ELAPOR2: variants seen among roughly 807,000 people sequenced by gnomAD.
ELAPOR2 encodes endosome/lysosome-associated apoptosis and autophagy regulator family member 2.
A neutral mutation model predicts 120.7 loss-of-function variants in ELAPOR2; 89 were observed. That is an observed-to-expected ratio of 0.74 (90% CI 0.62 to 0.88). The LOEUF is 0.88. ELAPOR2 is among the 40% of genes least tolerant of loss of function. The pLI is 0.00. For synonymous variants in ELAPOR2, 444 were observed against 444.9 expected, an observed-to-expected ratio of 1.00 and a Z score of 0.03; for missense variants, 1,134 against 1,251.6, an observed-to-expected ratio of 0.91 and a Z score of 1.42.
intron 18 of ELAPOR2, among the ~76,000 whole-genome samples, chr7:86,899,246 G>A (rs1358432412): frequency 1.3e-5 from 2 of 152,152 alleles, no homozygotes; most frequent in Non-Finnish European, 2.9e-5. Context: ...ATGGTGTACA[G>A]AATCCTTACT....
intron 8 of ELAPOR2, among the ~76,000 whole-genome samples, chr7:86,928,924 G>A (rs1790200350): frequency 6.6e-6 from 1 of 151,896 alleles, no homozygotes; most frequent in African/African-American, 2.4e-5. Flanking sequence ...AAGTCTGGCT[G>A]ACTAGGTAAA....
intron 20 of ELAPOR2, among the ~76,000 whole-genome samples, 185 bp from the exon 21 acceptor site, chr7:86,892,074 G>T (rs1212107133): frequency 1.3e-5 from 2 of 151,914 alleles, no homozygotes; most frequent in South Asian, 2.1e-4. Context: ...CATTTACAAA[G>T]AAATATTTCC....
chr7:87,043,778 G>C (rs1400843006), intron 1 of ELAPOR2, among the ~76,000 whole-genome samples: 1 of 151,508 alleles, frequency 6.6e-6, no homozygotes, highest in Non-Finnish European at 1.5e-5. Flanking sequence ...GGCAGGAGAA[G>C]GAAATAAAGG....
intron 4 of ELAPOR2, among the ~76,000 whole-genome samples, chr7:86,942,950 A>G (rs923200201): frequency 7.9e-5 from 12 of 152,046 alleles, no homozygotes; most frequent in South Asian, 2.1e-4. Flanking sequence ...AAATATTAAA[A>G]TGTTCTCCTT....
At chr7:87,022,163 T>A (rs1794064193) in intron 1 of ELAPOR2, among the ~76,000 whole-genome samples, 1 of 152,112 alleles carries the variant, frequency 6.6e-6, no homozygotes, top group South Asian at 2.1e-4. Flanking sequence ...TGTGCCATGT[T>A]GGTGTGTTGC....
intron 8 of ELAPOR2, 32 bp downstream of exon 8, chr7:86,938,094 A>G: frequency 6.7e-7 from 1 of 1,490,466 alleles, no homozygotes; most frequent in Non-Finnish European, 9.1e-7. Context: ...TTGCAAAAAT[A>G]TGGGATGGAG....
intron 18 of ELAPOR2, among the ~76,000 whole-genome samples, chr7:86,905,874 G>A (rs979970309): frequency 4.6e-5 from 7 of 152,134 alleles, no homozygotes; most frequent in African/African-American, 1.2e-4. Context: ...GATTCCTGGA[G>A]GTCAAAGGAG....
rs560366848 is a variant in ELAPOR2, at chr7:86,963,619, A to T, written c.310+1285T>A. Among the ~76,000 whole-genome samples the T allele has an allele frequency of 3.3e-5, 5 of 152,328 alleles. No homozygotes were observed. In the East Asian group the frequency reaches 9.6e-4, roughly 29 times the overall value. On this transcript the variant is annotated intron_variant, in intron 2 of 21. Transcript: ENST00000450689. The stretch of plus-strand genomic sequence containing the variant: ...TACAAGAAAACCAAGGAATTAGCCC[A>T]CAAATGAAAAGTAAACATAGATAAA...
At chr7:86,953,095 A>T (rs958901414) in intron 2 of ELAPOR2, among the ~76,000 whole-genome samples, 1 of 86,484 alleles carries the variant, frequency 1.2e-5, no homozygotes, top group Admixed American at 1.0e-4. Flanking sequence ...GCCTCTGTCA[A>T]AAAAAAAAAA....
intron 1 of ELAPOR2, among the ~76,000 whole-genome samples, chr7:87,035,181 C>T (rs893285472): frequency 3.9e-5 from 6 of 152,014 alleles, no homozygotes; most frequent in African/African-American, 1.5e-4. Context: ...ATGGATATAC[C>T]CCTGAGCAGT....
At chr7:86,897,358 G>C in intron 19 of ELAPOR2, 148 bp downstream of exon 19, 2 of 927,566 alleles carry the variant, frequency 2.2e-6, no homozygotes, top group Non-Finnish European at 3.2e-6. Context: ...TGAGAGTTCA[G>C]CTGCCAAACT....
At chr7:86,907,477 G>T (rs1789073612) in intron 18 of ELAPOR2, among the ~76,000 whole-genome samples, 193 bp downstream of exon 18, 1 of 150,544 alleles carries the variant, frequency 6.6e-6, no homozygotes, top group African/African-American at 2.4e-5. Flanking sequence ...AGGCTAGGAA[G>T]TCTTTAGATT....
intron 1 of ELAPOR2, among the ~76,000 whole-genome samples, chr7:87,028,833 C>A (rs1253357946): frequency 3.3e-5 from 5 of 152,156 alleles, no homozygotes; most frequent in Admixed American, 2.0e-4. Flanking sequence ...ACACTCCACC[C>A]ACATGACCCC....
At chr7:86,975,852 G>A (rs903039800) in intron 1 of ELAPOR2, among the ~76,000 whole-genome samples, 2 of 152,162 alleles carry the variant, frequency 1.3e-5, no homozygotes, top group African/African-American at 2.4e-5. Flanking sequence ...GGGAGTTACC[G>A]GGCTTCTTTT....
In ELAPOR2 at chr7:87,035,672, C is replaced by T. The variant is rs141309144; in HGVS notation, c.189+23653G>A. On this transcript the variant is annotated intron_variant, in intron 1 of 21. Coordinates refer to ENST00000450689, the MANE Select transcript of ELAPOR2 (RefSeq NM_001142749.3). ...ACCTAATATAAATGTCTACCTTCCACAAACAAGGCATTCTTCTCATATAAA... is the reference window on the plus strand; with the variant it reads ...ACCTAATATAAATGTCTACCTTCCATAAACAAGGCATTCTTCTCATATAAA... Among the ~76,000 whole-genome samples the T allele has an allele frequency of 4.9e-3, 751 of 152,334 alleles. 3 individuals carry two copies. The highest frequency in any genetic ancestry group is 8.3e-3 in the Non-Finnish European group (565 of 68,028).
intron 18 of ELAPOR2, among the ~76,000 whole-genome samples, chr7:86,899,113 C>A (rs191855480): frequency 2.0e-5 from 3 of 152,116 alleles, no homozygotes; most frequent in Non-Finnish European, 4.4e-5. Flanking sequence ...AAGAACTAAC[C>A]ACTAGGGAGG....
chr7:87,009,525 T>A (rs1460556601), intron 1 of ELAPOR2, among the ~76,000 whole-genome samples: 1 of 152,170 alleles, frequency 6.6e-6, no homozygotes, highest in Non-Finnish European at 1.5e-5. Flanking sequence ...CAGAGGTACA[T>A]AAATTTAATA....
rs987119000 is a variant in ELAPOR2, at chr7:86,879,704, A to G, written c.*767T>C. 13 of 152,188 alleles carry G rather than the reference A, an allele frequency of 8.5e-5. No individual in the cohort carries two copies. The highest frequency in any genetic ancestry group is 7.9e-4 in the Admixed American group (12 of 15,262). The allele number at this position is 152,188 out of a possible 1,614,324, so 9.4% of individuals were successfully genotyped here. A position where few individuals can be genotyped will look rare whatever the true frequency, so the allele number is the denominator to read the frequency against. On this transcript the variant is annotated 3_prime_UTR_variant, in exon 22 of 22. Coordinates refer to ENST00000450689, the MANE Select transcript of ELAPOR2 (RefSeq NM_001142749.3). ...AGCACTACATAAACTGTTTTAAGTC[A>G]TTTGACTTCTATGATACTAGCAGCT... is the stretch of plus-strand genomic sequence containing the variant.
intron 18 of ELAPOR2, among the ~76,000 whole-genome samples, chr7:86,906,910 GTAAT>G (rs1338128162): frequency 2.0e-5 from 3 of 151,878 alleles, no homozygotes; most frequent in African/African-American, 4.8e-5. Flanking sequence ...AAAATATAAA[GTAAT>G]AAATAATCTT....
Sources: allele counts gnomAD v4.1 joint callset (sites outside exome capture counted in the v4.1 genomes callset), GRCh38; gene constraint gnomAD v4.1.1; transcripts MANE v1.5; gene names NCBI Gene and HGNC (gene_info 2026-07-23, HGNC 2026-07-21).